Variants in PRAMEF1 observed in about 807,000 individuals in gnomAD.
PRAMEF1 encodes the protein PRAME family member 1.
PRAMEF1 carries 21 observed loss-of-function variants against 38.2 expected under a neutral mutation model. The ratio of observed to expected loss-of-function variants is 0.55; its 90% CI spans 0.39 to 0.79. PRAMEF1 has a LOEUF of 0.79. Among genes scored for constraint, PRAMEF1 ranks in the 30% least tolerant of loss-of-function variants. PRAMEF1 has a pLI of 0.00. For synonymous variants in PRAMEF1, 200 were observed against 229.0 expected, an observed-to-expected ratio of 0.87 and a Z score of 1.14; for missense variants, 497 against 565.8, an observed-to-expected ratio of 0.88 and a Z score of 1.23.
chr1:12,794,894 T>C (rs1352524904), intron 3 of PRAMEF1: 3 of 1,327,554 alleles, frequency 2.3e-6, no homozygotes. Context: ...ACGTCTGTCC[T>C]CACCGGCTTA....
At chr1:12,791,587 T>G (rs2100294441) in intron 1 of PRAMEF1, 113 bp downstream of exon 1, 1 of 149,564 alleles carries the variant, frequency 6.7e-6, no homozygotes, top group East Asian at 2.0e-4. Context: ...TTTCGTGAGA[T>G]GAACAGATTT....
chr1:12,792,544 C>T (rs921622455), intron 1 of PRAMEF1, among the ~76,000 whole-genome samples: 1 of 151,184 alleles, frequency 6.6e-6, no homozygotes, highest in Admixed American at 6.6e-5. Flanking sequence ...TCATGCATGA[C>T]CACACCTGGC....
chr1:12,795,702 C>T lies in PRAMEF1; in HGVS notation c.1131C>T (p.Ser377=). The change falls in exon 4 of 4, where the codon TCC becomes TCT. Residue 377 remains serine, a synonymous_variant. Coordinates refer to ENST00000332296, the MANE Select transcript of PRAMEF1 (RefSeq NM_023013.4). ...SAILPGLSRC[S]QLTTFYFGRN... is the part of the protein sequence containing the mutation. The stretch of plus-strand genomic sequence containing the variant: ...TCCTGCCTGGCCTGAGCCGCTGCTC[C>T]CAGCTCACCACCTTCTACTTTGGCA... 6.2e-7 allele frequency: 1 copy of T among 1,611,520 alleles called. No individual in the cohort carries two copies. Among genetic ancestry groups the T allele is most frequent in the Non-Finnish European group, 8.5e-7 (1 of 1,179,728 alleles).
intron 1 of PRAMEF1, 43 bp from the exon 2 acceptor site, chr1:12,793,160 T>C (rs1639323583): frequency 6.3e-7 from 1 of 1,595,460 alleles, no homozygotes; most frequent in East Asian, 2.3e-5. Context: ...GATGATTGTC[T>C]TTGCCCTGAG....
At position 12,794,758 on chromosome 1, in the gene PRAMEF1, T is replaced by C. The variant is rs1639362871; in HGVS notation, c.866+265T>C. 7 of 1,389,490 alleles carry C rather than the reference T, an allele frequency of 5.0e-6. 1 individual carries two copies. In the South Asian group the frequency reaches 1.0e-4, roughly 20 times the overall value. The allele number at this position is 1,389,490 out of a possible 1,614,324, so 86.1% of individuals were successfully genotyped here. A position where few individuals can be genotyped will look rare whatever the true frequency, so the allele number is the denominator to read the frequency against. On this transcript the variant is annotated intron_variant, in intron 3 of 3. Transcript: ENST00000332296. ...AGCTAGTTAGTGGGGGTTTCAGCTC[T>C]ATTGGGGGTGCACGTGTGAATTTCC...
Position 12,794,296 on chromosome 1 carries a change from G to T in PRAMEF1, c.669G>T (p.Lys223Asn). ...RNMSWPRLIR[K>N]LRCYLKEMKN... The stretch of plus-strand genomic sequence containing the variant: ...TGTCCTGGCCACGTCTGATAAGAAA[G>T]CTTCGTTGTTACCTGAAGGAGATGA... The change falls in exon 3 of 4, where the codon AAG (lysine) becomes AAT (asparagine). Residue 223 changes from lysine (K) to asparagine (N), a missense_variant. Coordinates refer to ENST00000332296, the MANE Select transcript of PRAMEF1 (RefSeq NM_023013.4). 1 of 1,612,124 alleles carries T rather than the reference G, an allele frequency of 6.2e-7. No homozygotes were observed.
intron 1 of PRAMEF1, among the ~76,000 whole-genome samples, chr1:12,791,936 T>C (rs1350262967): frequency 6.6e-6 from 1 of 151,106 alleles, no homozygotes; most frequent in African/African-American, 2.4e-5. Flanking sequence ...AGTGGGTAAT[T>C]GTGAGTATGT....
chr1:12,792,681 A>T (rs553024887), intron 1 of PRAMEF1, among the ~76,000 whole-genome samples: 1 of 151,258 alleles, frequency 6.6e-6, no homozygotes, highest in East Asian at 2.0e-4. Context: ...GAGTCAAATG[A>T]TTCTTAATTT....
chr1:12,792,124 C>T (rs2790799), intron 1 of PRAMEF1, among the ~76,000 whole-genome samples: 49,428 of 150,226 alleles, frequency 0.33, 9,276 homozygotes, highest in East Asian at 0.5. Context: ...TAGTTACATG[C>T]GATTCTCCTG....
chr1:12,795,716 T>A lies in PRAMEF1; in HGVS notation c.1145T>A (p.Phe382Tyr). The change falls in exon 4 of 4, where the codon TTC (phenylalanine) becomes TAC (tyrosine). Residue 382 changes from phenylalanine (F) to tyrosine (Y), a missense_variant. Coordinates refer to ENST00000332296, the MANE Select transcript of PRAMEF1 (RefSeq NM_023013.4). Reference sequence around the variant, plus strand: ...AGCCGCTGCTCCCAGCTCACCACCTTCTACTTTGGCAGAAATTGCATGTCT... The same window carrying A: ...AGCCGCTGCTCCCAGCTCACCACCTACTACTTTGGCAGAAATTGCATGTCT... ...GLSRCSQLTT[F>Y]YFGRNCMSID... is the part of the protein sequence containing the mutation. The A allele has an allele frequency of 5.6e-6, 9 of 1,611,454 alleles. No homozygotes were observed. The highest frequency in any genetic ancestry group is 7.6e-6 in the Non-Finnish European group (9 of 1,179,720).
chr1:12,795,326 C>G, intron 3 of PRAMEF1, 112 bp from the exon 4 acceptor site: 2 of 791,884 alleles, frequency 2.5e-6, no homozygotes, highest in South Asian at 1.8e-5. Flanking sequence ...GGACCATCAT[C>G]AGATGGTGGG....
In PRAMEF1 at chr1:12,793,918, G is replaced by T; in HGVS notation, c.291G>T (p.Arg97Ser). 1 of 1,608,948 alleles carries T rather than the reference G, an allele frequency of 6.2e-7. No homozygotes were observed. The highest frequency in any genetic ancestry group is 2.2e-5 in the East Asian group (1 of 44,458). The change falls in exon 3 of 4, where the codon AGG becomes AGT. Residue 97 changes from arginine (R) to serine (S), a missense_variant. Coordinates refer to ENST00000332296, the MANE Select transcript of PRAMEF1 (RefSeq NM_023013.4). ...MLLTQKDRPR[R>S]WKLQVLDLRD... Reference sequence around the variant, plus strand: ...CTCTCCCTTACTTTACCCACAGGAGGTGGAAACTTCAAGTGCTGGATTTGC... The same window carrying T: ...CTCTCCCTTACTTTACCCACAGGAGTTGGAAACTTCAAGTGCTGGATTTGC...
At chr1:12,792,092 G>A (rs963390401) in intron 1 of PRAMEF1, among the ~76,000 whole-genome samples, 16 of 150,902 alleles carry the variant, frequency 1.1e-4, no homozygotes, top group Admixed American at 2.0e-4. Context: ...GTGTGATTTG[G>A]CTCACTGAAA....
At chr1:12,792,197 T>C (rs1639305833) in intron 1 of PRAMEF1, among the ~76,000 whole-genome samples, 1 of 151,086 alleles carries the variant, frequency 6.6e-6, no homozygotes, top group Non-Finnish European at 1.5e-5. Context: ...AATTTTTGTA[T>C]TTTTAGTAGA....
chr1:12,793,196 C>G lies in PRAMEF1; in HGVS notation c.-25-7C>G. ...AGTGACACATTTTCCCTGGATTTGT[C>G]TTCTAGAGATTTTCCTTGCAGATCT... On this transcript the variant is annotated splice_region_variant and splice_polypyrimidine_tract_variant and intron_variant, in intron 1 of 3. Coordinates refer to ENST00000332296, the MANE Select transcript of PRAMEF1 (RefSeq NM_023013.4). 6.2e-7 allele frequency: 1 copy of G among 1,605,656 alleles called. No homozygotes were observed. The highest frequency in any genetic ancestry group is 8.5e-7 in the Non-Finnish European group (1 of 1,176,410).
rs138711751 is a variant in PRAMEF1, at chr1:12,793,616, G to C, written c.287+102G>C. ...GCCCAAGTGTGGCCCAGAGTCTTCT[G>C]ATGGTGTTGGCGAGGAAGATCAGGG... On this transcript the variant is annotated intron_variant, in intron 2 of 3. Transcript: ENST00000332296. 2,748 of 1,549,032 alleles carry C rather than the reference G, an allele frequency of 1.8e-3. 87 individuals carry two copies. The highest frequency in any genetic ancestry group is 2.2e-3 in the Non-Finnish European group (2,476 of 1,138,346).
In PRAMEF1 at chr1:12,794,693, C is replaced by T. The variant is rs11121980; in HGVS notation, c.866+200C>T. On this transcript the variant is annotated intron_variant, in intron 3 of 3. Coordinates refer to ENST00000332296, the MANE Select transcript of PRAMEF1 (RefSeq NM_023013.4). ...AGGATCGCTCCAATAAGGGGAGAGG[C>T]GTCACCTGGGGTAGAAGCTAGAGAG... 5.7e-6 allele frequency: 8 copies of T among 1,402,282 alleles called. 1 individual carries two copies. The highest frequency in any genetic ancestry group is 2.9e-5 in the African/African-American group (2 of 69,926). The allele number at this position is 1,402,282 out of a possible 1,614,324, so 86.9% of individuals were successfully genotyped here.
In PRAMEF1 at chr1:12,794,366, T is replaced by A. The variant is rs1639352907; in HGVS notation, c.739T>A (p.Ser247Thr). ...LVFSRCHHYT[S>T]DNELEGRLVA... ...TTTCTCCAGGTGCCATCATTACACG[T>A]CAGATAATGAACTCGAAGGACGGTT... is the stretch of plus-strand genomic sequence containing the variant. The change falls in exon 3 of 4, where the codon TCA (serine) becomes ACA (threonine). Residue 247 changes from serine to threonine, a missense_variant. Ser to Thr is a moderately conservative substitution (Grantham distance 58). Around this residue, in one of 2 missense-constraint regions of PRAMEF1, gnomAD observed 470 missense variants for 501.9 expected, o/e 0.94. Transcript: ENST00000332296. 1 of 1,612,062 alleles carries A rather than the reference T, an allele frequency of 6.2e-7. No individual in the cohort carries two copies. The highest frequency in any genetic ancestry group is 8.5e-7 in the Non-Finnish European group (1 of 1,179,008).
In PRAMEF1 at chr1:12,796,585, G is replaced by C. The variant is rs114287927; in HGVS notation, c.*589G>C. 0.012 allele frequency: 1,797 copies of C among 154,572 alleles called. 74 individuals are homozygous for C. Among genetic ancestry groups the C allele is most frequent in the African/African-American group, 0.041 (1,704 of 41,378 alleles). 9.6% of individuals were successfully genotyped at this position (154,572 alleles called of 1,614,324 possible). On this transcript the variant is annotated 3_prime_UTR_variant, in exon 4 of 4. Transcript: ENST00000332296. Reference sequence around the variant, plus strand: ...CTAATTTGTCTGTGATTGAGTTTCAGTTGTAGAACATCAAAGCAACCAAAT... The same window carrying C: ...CTAATTTGTCTGTGATTGAGTTTCACTTGTAGAACATCAAAGCAACCAAAT...
Sources: allele counts gnomAD v4.1 joint callset (sites outside exome capture counted in the v4.1 genomes callset), GRCh38; gene constraint gnomAD v4.1.1; regional missense constraint gnomAD v4.1.1; transcripts MANE v1.5; gene names NCBI Gene and HGNC (gene_info 2026-07-23, HGNC 2026-07-21).